The following CACNA1I variants were observed in gnomAD, a reference collection of about 807,000 sequenced individuals.
The protein encoded by CACNA1I is voltage-dependent T-type calcium channel subunit alpha-1I.
Under a neutral mutation model 201.6 loss-of-function variants are expected in CACNA1I, and 74 were observed. The observed-to-expected ratio is 0.37, with a 90% CI of 0.30 to 0.45. CACNA1I has a LOEUF of 0.45. Ranked by LOEUF, CACNA1I falls within the 20% of genes least tolerant of loss-of-function variation. The pLI is 1.00. For synonymous variants in CACNA1I, 1,431 were observed against 1,345.2 expected (o/e 1.06, Z -1.40); for missense variants, 2,346 against 3,138.1 (o/e 0.75, Z 6.03).
At chr22:39,678,473 G>A (rs897704472) in intron 31 of CACNA1I, among the ~76,000 whole-genome samples, 2 of 152,166 alleles carry the variant, frequency 1.3e-5, no homozygotes, top group Non-Finnish European at 2.9e-5. Flanking sequence ...CCCTGGCCTG[G>A]GCTGCAACCC....
rs960403135 is a variant in CACNA1I, at chr22:39,649,354, G to A, written c.1568-147G>A. 7 of 778,600 alleles carry A rather than the reference G, an allele frequency of 9.0e-6. No individual in the cohort carries two copies. The highest frequency in any genetic ancestry group is 1.8e-5 in the African/African-American group (1 of 54,886). The allele number at this position is 778,600 out of a possible 1,614,324, so 48.2% of individuals were successfully genotyped here. A position where few individuals can be genotyped will look rare whatever the true frequency, so the allele number is the denominator to read the frequency against. On this transcript the variant is annotated intron_variant, in intron 9 of 36. Coordinates refer to ENST00000402142, the MANE Select transcript of CACNA1I (RefSeq NM_021096.4). The surrounding 1 kb of genome is among the most constrained non-coding windows in gnomAD (Gnocchi z 7.3). ...TCAGAGAGCTGCAGCCGCTTCCCCA[G>A]GCACCCCTGACCGCCTTTCCAGGCT...
intron 26 of CACNA1I, 99 bp downstream of exon 26, chr22:39,671,053 T>C: frequency 1.8e-6 from 2 of 1,116,854 alleles, no homozygotes; most frequent in South Asian, 1.5e-5. Context: ...GGTTAGCTGA[T>C]AGCAGGATGT....
rs550634572 is a variant in CACNA1I at position 39,684,794 on chromosome 22, G to A, written c.6027+296G>A. ...GCTTGAGGGGAGGGGAGGAGAGGAG[G>A]AGGAGTACTGGAGGTTTTGCAGGGT... On this transcript the variant is annotated intron_variant, in intron 36 of 36. Coordinates refer to ENST00000402142, the MANE Select transcript of CACNA1I (RefSeq NM_021096.4). The surrounding 1 kb of genome is among the most constrained non-coding windows in gnomAD (Gnocchi z 4.6). The A allele has an allele frequency of 2.2e-4, 130 of 586,794 alleles. 1 individual carries two copies. Among genetic ancestry groups the A allele is most frequent in the African/African-American group, 2.2e-3 (118 of 53,776 alleles). The allele number at this position is 586,794 out of a possible 1,614,324, so 36.3% of individuals were successfully genotyped here. A position where few individuals can be genotyped will look rare whatever the true frequency, so the allele number is the denominator to read the frequency against.
At position 39,677,213 on chromosome 22, in the gene CACNA1I, G is replaced by T. The variant is rs1935538218; in HGVS notation, c.4855-128G>T. On this transcript the variant is annotated intron_variant, in intron 29 of 36. Coordinates refer to ENST00000402142, the MANE Select transcript of CACNA1I (RefSeq NM_021096.4). This position sits in a 1 kb window ranked among gnomAD's most constrained non-coding sequence, Gnocchi z 4.8. ...GGTGGCAGACGTGGACACACAGCCT[G>T]GGGGAATGTTACAGCTGCTCTGACC... 5 of 639,402 alleles carry T rather than the reference G, an allele frequency of 7.8e-6. No homozygotes were observed. The Admixed American group carries it at 1.2e-4, about 15-fold the overall frequency. The allele number at this position is 639,402 out of a possible 1,614,324, so 39.6% of individuals were successfully genotyped here. A position where few individuals can be genotyped will look rare whatever the true frequency, so the allele number is the denominator to read the frequency against.
rs1330744990 is a variant in CACNA1I, at chr22:39,677,875, G to C, written c.4934-112G>C. On this transcript the variant is annotated intron_variant, in intron 30 of 36. Transcript: ENST00000402142. This position sits in a 1 kb window ranked among gnomAD's most constrained non-coding sequence, Gnocchi z 4.8. ...TCTGTGGGCTGGGCACAGTCTGCAG[G>C]CCCCTCCTAGGGTGTGATGAGGGTT... 1 of 1,226,538 alleles carries C rather than the reference G, an allele frequency of 8.2e-7. No individual in the cohort carries two copies. Among genetic ancestry groups the C allele is most frequent in the Non-Finnish European group, 1.1e-6 (1 of 899,724 alleles). The allele number at this position is 1,226,538 out of a possible 1,614,324, so 76.0% of individuals were successfully genotyped here. A position where few individuals can be genotyped will look rare whatever the true frequency, so the allele number is the denominator to read the frequency against.
At chr22:39,655,344 C>T (rs1463373768) in intron 10 of CACNA1I, among the ~76,000 whole-genome samples, 1 of 152,190 alleles carries the variant, frequency 6.6e-6, no homozygotes, top group African/African-American at 2.4e-5. Flanking sequence ...TCACCCAAAC[C>T]CGCATCAGGC....
rs1004596029 is a variant in CACNA1I, at chr22:39,676,186, G to A, written c.4855-1155G>A. Among the ~76,000 whole-genome samples the A allele has an allele frequency of 5.9e-5, 9 of 152,222 alleles. No homozygotes were observed. Among genetic ancestry groups the A allele is most frequent in the Non-Finnish European group, 1.0e-4 (7 of 68,036 alleles). On this transcript the variant is annotated intron_variant, in intron 29 of 36. Coordinates refer to ENST00000402142, the MANE Select transcript of CACNA1I (RefSeq NM_021096.4). This position sits in a 1 kb window ranked among gnomAD's most constrained non-coding sequence, Gnocchi z 4.8. ...CTGGTTAAGAGATGCTGCCCCCGCC[G>A]GCCTGTGCAGGGCACAAAGCTGAAT...
intron 3 of CACNA1I, among the ~76,000 whole-genome samples, chr22:39,608,153 C>T (rs1933276235): frequency 6.8e-6 from 1 of 147,442 alleles, no homozygotes; most frequent in Non-Finnish European, 1.5e-5. Flanking sequence ...AATACAAATT[C>T]AAAAATTAGC....
Position 39,598,192 on chromosome 22 carries a change from G to A in CACNA1I, c.278G>A (p.Cys93Tyr). ...CVSMLVILLN[C>Y]VTLGMYQPCD... ...AGCATGCTGGTGATCCTGCTGAACT[G>A]CGTGACACTTGGCATGTACCAGCCG... The change falls in exon 2 of 37, where the codon TGC (cysteine) becomes TAC (tyrosine). Residue 93 changes from cysteine (C) to tyrosine (Y), a missense_variant. Around this residue, in one of 13 missense-constraint regions of CACNA1I, gnomAD observed 130 missense variants for 160.7 expected, o/e 0.81. Coordinates refer to ENST00000402142, the MANE Select transcript of CACNA1I (RefSeq NM_021096.4). 6.2e-7 allele frequency: 1 copy of A among 1,608,834 alleles called. No individual in the cohort carries two copies. Among genetic ancestry groups the A allele is most frequent in the Non-Finnish European group, 8.5e-7 (1 of 1,177,884 alleles).
chr22:39,632,119 T>C (rs879890663), intron 4 of CACNA1I, among the ~76,000 whole-genome samples: 20 of 152,182 alleles, frequency 1.3e-4, no homozygotes, highest in Non-Finnish European at 1.9e-4. Flanking sequence ...GGAGATGTAA[T>C]TAATTGAGCG....
At chr22:39,608,116 CA>C (rs147887508) in intron 3 of CACNA1I, among the ~76,000 whole-genome samples, 22,420 of 106,622 alleles carry the variant, frequency 0.21, 1,561 homozygotes, top group South Asian at 0.28. Flanking sequence ...ACTCCATCTC[CA>C]AAAAAAAAAA....
intron 33 of CACNA1I, 147 bp downstream of exon 33, chr22:39,680,015 G>C (rs1426235260): frequency 2.7e-5 from 22 of 818,786 alleles, no homozygotes; most frequent in Non-Finnish European, 3.9e-5. Flanking sequence ...GGCTGGGGCA[G>C]ATTGGCTCCC....
At position 39,685,799 on chromosome 22, in the gene CACNA1I, C is replaced by T. The variant is rs562670390; in HGVS notation, c.6066C>T (p.Ser2022=). The T allele has an allele frequency of 6.0e-6, 9 of 1,496,388 alleles. No individual in the cohort carries two copies. In the African/African-American group the frequency reaches 8.7e-5, roughly 15 times the overall value. The allele number at this position is 1,496,388 out of a possible 1,614,324, so 92.7% of individuals were successfully genotyped here. ...ACACGTCGCTGGACGCCAGCCCCAGCAGCTCCGCGGGCAGCCTGCAGACCA... is the reference window on the plus strand; with the variant it reads ...ACACGTCGCTGGACGCCAGCCCCAGTAGCTCCGCGGGCAGCCTGCAGACCA... ...GSDTSLDASP[S]SSAGSLQTTL... The change falls in exon 37 of 37, where the codon AGC becomes AGT. Residue 2022 remains serine, a synonymous_variant. Coordinates refer to ENST00000402142, the MANE Select transcript of CACNA1I (RefSeq NM_021096.4). This position sits in a 1 kb window ranked among gnomAD's most constrained non-coding sequence, Gnocchi z 5.0.
At chr22:39,672,838 T>TG (rs1935410783) in intron 27 of CACNA1I, 111 bp from the exon 28 acceptor site, 1 of 1,209,956 alleles carries the variant, frequency 8.3e-7, no homozygotes, top group South Asian at 1.6e-5. Context: ...CACAGCCTAA[T>TG]GGGCCACAAT....
At chr22:39,643,548 T>A (rs136822) in intron 7 of CACNA1I, 2 of 152,464 alleles carry the variant, frequency 1.3e-5, no homozygotes, top group African/African-American at 4.8e-5. Flanking sequence ...AGGTGATTCA[T>A]TCCCAGGAGT....
At chr22:39,661,864 G>A (rs1935021229) in intron 16 of CACNA1I, 101 bp from the exon 17 acceptor site, 1 of 703,688 alleles carries the variant, frequency 1.4e-6, no homozygotes, top group Admixed American at 3.3e-5. Context: ...CAGGTGGGTG[G>A]TCTTAGAGCC....
At chr22:39,679,014 G>C in intron 31 of CACNA1I, 93 bp from the exon 32 acceptor site, 1 of 972,182 alleles carries the variant, frequency 1.0e-6, no homozygotes, top group Non-Finnish European at 1.5e-6. Context: ...TCTCGGTCTT[G>C]CTGCCTCCGA....
At chr22:39,588,586 C>T (rs1039666091) in intron 1 of CACNA1I, among the ~76,000 whole-genome samples, 6 of 151,878 alleles carry the variant, frequency 4.0e-5, no homozygotes, top group African/African-American at 9.7e-5. Flanking sequence ...GGGGTTTCAC[C>T]GCGTTAGCCA....
At chr22:39,624,624 G>T (rs1221962498) in intron 4 of CACNA1I, among the ~76,000 whole-genome samples, 1 of 152,214 alleles carries the variant, frequency 6.6e-6, no homozygotes, top group African/African-American at 2.4e-5. Flanking sequence ...AGGCGATTCT[G>T]CGGGAGCCGC....
Sources: gnomAD v4.1 joint callset for allele counts (sites outside exome capture counted in the v4.1 genomes callset) on GRCh38, gnomAD v4.1.1 for gene constraint, gnomAD v4.1.1 regional missense constraint, Gnocchi (gnomAD v3.1) non-coding constraint, MANE v1.5 for transcripts, NCBI Gene and HGNC (gene_info 2026-07-23, HGNC 2026-07-21) for gene names.